Variants in JMJD1C observed in about 807,000 individuals in gnomAD.
The protein encoded by JMJD1C is jumonji domain containing 1C, also known as jumonji domain-containing protein 1C.
Under a neutral mutation model 245.3 loss-of-function variants are expected in JMJD1C, and 31 were observed. That is an observed-to-expected ratio of 0.13 (90% CI 0.09 to 0.17). JMJD1C has a LOEUF of 0.17. JMJD1C is among the 10% of genes least tolerant of loss of function. The pLI is 1.00. For synonymous variants in JMJD1C, 1,057 were observed against 1,017.4 expected (o/e 1.04, Z -0.74); for missense variants, 2,691 against 3,000.2 (o/e 0.90, Z 2.41).
At chr10:63,263,935 A>AAC (rs1385809725) in intron 3 of JMJD1C, among the ~76,000 whole-genome samples, 1 of 124,498 alleles carries the variant, frequency 8.0e-6, no homozygotes, top group African/African-American at 3.1e-5. Context: ...CCATCACGGA[A>AAC]AAAAAAAAAA....
intron 1 of JMJD1C, among the ~76,000 whole-genome samples, chr10:63,505,387 C>T (rs1187715061): frequency 6.7e-6 from 1 of 149,548 alleles, no homozygotes; most frequent in African/African-American, 2.5e-5. Context: ...TAGAACCAGA[C>T]ATAAAAAGAA....
intron 2 of JMJD1C, among the ~76,000 whole-genome samples, chr10:63,284,574 C>A (rs1302518236): frequency 6.6e-6 from 1 of 152,044 alleles, no homozygotes; most frequent in Non-Finnish European, 1.5e-5. Flanking sequence ...ATAATGAAAC[C>A]AAAACCACAG....
At chr10:63,202,670 C>G in intron 10 of JMJD1C, 1 of 985,408 alleles carries the variant, frequency 1.0e-6, no homozygotes, top group South Asian at 4.7e-5. Flanking sequence ...AGAGAAACAC[C>G]CATGTGTATA....
chr10:63,372,901 C>T, intron 2 of JMJD1C: 1 of 172,280 alleles, frequency 5.8e-6, no homozygotes, highest in Admixed American at 6.3e-5. Context: ...ATCTGGAAGG[C>T]TGGGCCAGCG....
chr10:63,179,145 T>G (rs1564556420), intron 22 of JMJD1C, among the ~76,000 whole-genome samples: 1 of 151,996 alleles, frequency 6.6e-6, no homozygotes, highest in Non-Finnish European at 1.5e-5. Context: ...GGCGTGGGAT[T>G]ACACCTGTAA....
chr10:63,358,682 G>A (rs1350692751), intron 2 of JMJD1C: 1 of 152,078 alleles, frequency 6.6e-6, no homozygotes, highest in Non-Finnish European at 1.5e-5. Context: ...CTGTATAAAA[G>A]TTTGAACATA....
intron 11 of JMJD1C, among the ~76,000 whole-genome samples, chr10:63,199,661 T>A (rs149958731): frequency 5.9e-4 from 90 of 152,264 alleles, no homozygotes; most frequent in African/African-American, 2.0e-3. Context: ...TGCACTTCCA[T>A]GGGTACTACC....
intron 2 of JMJD1C, among the ~76,000 whole-genome samples, chr10:63,364,958 A>G (rs1589591556): frequency 6.6e-6 from 1 of 152,204 alleles, no homozygotes; most frequent in South Asian, 2.1e-4. Flanking sequence ...ATGGCTTTCC[A>G]TTCCCTACAG....
rs1554892789 is a variant in JMJD1C, at chr10:63,337,624, A to AAAAAGAAAAAG, written c.333+42693_333+42694insCTTTTTCTTTT. Among the ~76,000 whole-genome samples the AAAAAGAAAAAG allele has an allele frequency of 1.9e-3, 116 of 60,214 alleles. 9 individuals carry two copies. Among genetic ancestry groups the AAAAAGAAAAAG allele is most frequent in the South Asian group, 5.8e-3 (10 of 1,734 alleles). 39.5% of individuals were successfully genotyped at this position (60,214 alleles called of 152,430 possible). ...AAAAGAAAAGAAAAGAAAAGAAAAG[A>AAAAAGAAAAAG]AAAAGAAAAGAAAAAAAATCCGCTA... On this transcript the variant is annotated intron_variant, in intron 2 of 25. Transcript: ENST00000399262.
intron 1 of JMJD1C, among the ~76,000 whole-genome samples, chr10:63,429,394 A>G (rs1589732340): frequency 1.3e-5 from 2 of 152,336 alleles, no homozygotes; most frequent in South Asian, 4.1e-4. Context: ...GAACTTAAAT[A>G]CTGCAGCAAT....
At chr10:63,187,920 T>C (rs1462673061) in intron 18 of JMJD1C, among the ~76,000 whole-genome samples, 1 of 152,212 alleles carries the variant, frequency 6.6e-6, no homozygotes, top group African/African-American at 2.4e-5. Context: ...GGGCATTTCA[T>C]GATCATTCCT....
intron 3 of JMJD1C, among the ~76,000 whole-genome samples, chr10:63,251,536 T>C (rs893363795): frequency 6.6e-6 from 1 of 152,134 alleles, no homozygotes; most frequent in African/African-American, 2.4e-5. Context: ...TTAGAAGAAT[T>C]TGATCTGGAA....
intron 2 of JMJD1C, among the ~76,000 whole-genome samples, chr10:63,324,182 A>G (rs900953658): frequency 6.6e-6 from 1 of 151,848 alleles, no homozygotes; most frequent in Non-Finnish European, 1.5e-5. Context: ...GTCAGAAATA[A>G]TATCTTACCA....
intron 2 of JMJD1C, among the ~76,000 whole-genome samples, chr10:63,369,516 G>T (rs550593421): frequency 6.6e-6 from 1 of 152,182 alleles, no homozygotes; most frequent in Non-Finnish European, 1.5e-5. Flanking sequence ...AAATCCGGGG[G>T]AAAATGAGTA....
chr10:63,174,366 T>A (rs1842677011), intron 24 of JMJD1C, among the ~76,000 whole-genome samples: 1 of 151,876 alleles, frequency 6.6e-6, no homozygotes, highest in Non-Finnish European at 1.5e-5. Flanking sequence ...AAAAAAAGAA[T>A]CAACTGATAA....
chr10:63,420,642 T>A (rs1329477013), intron 1 of JMJD1C, among the ~76,000 whole-genome samples: 1 of 149,406 alleles, frequency 6.7e-6, no homozygotes, highest in Non-Finnish European at 1.5e-5. Flanking sequence ...GGAGGATCAC[T>A]TGAGCCCGGG....
intron 2 of JMJD1C, among the ~76,000 whole-genome samples, chr10:63,347,327 T>C (rs545207520): frequency 2.6e-5 from 4 of 152,202 alleles, no homozygotes; most frequent in African/African-American, 9.6e-5. Context: ...CTCACGCCTG[T>C]AATCCCAGCA....
intron 3 of JMJD1C, among the ~76,000 whole-genome samples, chr10:63,243,535 T>C (rs539584058): frequency 2.0e-5 from 3 of 151,904 alleles, no homozygotes; most frequent in Admixed American, 1.3e-4. Context: ...TCAAAAAAAA[T>C]TTTTTTTCAC....
At chr10:63,284,359 G>A (rs1371076333) in intron 2 of JMJD1C, among the ~76,000 whole-genome samples, 1 of 152,042 alleles carries the variant, frequency 6.6e-6, no homozygotes, top group East Asian at 1.9e-4. Context: ...TTACAGTGGT[G>A]AATTAGATTG....
Sources: gnomAD v4.1 joint callset for allele counts (sites outside exome capture counted in the v4.1 genomes callset) on GRCh38, gnomAD v4.1.1 for gene constraint, MANE v1.5 for transcripts, NCBI Gene and HGNC (gene_info 2026-07-23, HGNC 2026-07-21) for gene names.